ZNF549: variants seen among roughly 807,000 people sequenced by gnomAD.
ZNF549 encodes zinc finger protein 549.
ZNF549 carries 11 observed loss-of-function variants against 11.1 expected under a neutral mutation model. The ratio of observed to expected loss-of-function variants is 0.99; its 90% CI spans 0.62 to 1.64. ZNF549 has a LOEUF of 1.64. ZNF549 is among the 40% of genes most tolerant of loss of function. The probability of loss-of-function intolerance (pLI) is 0.00; values close to 1 mark genes in which losing one functional copy is unlikely to be tolerated. For synonymous variants in ZNF549, 266 were observed against 269.1 expected (o/e 0.99, Z 0.11); for missense variants, 748 against 765.1 (o/e 0.98, Z 0.26).
chr19:57,536,011 G>A (rs2089923072), intron 3 of ZNF549, among the ~76,000 whole-genome samples: 1 of 152,028 alleles, frequency 6.6e-6, no homozygotes, highest in Admixed American at 6.5e-5. Flanking sequence ...TTGGTGCCAG[G>A]GCTCATGGCC....
In ZNF549 at chr19:57,538,767, C is replaced by T; in HGVS notation, c.1763C>T (p.Thr588Ile). Reference sequence around the variant, plus strand: ...AGTGGAGAGAGGCCTTATAACTGCACTGCATGTGAGAAGGCCTTTATCTAT... The same window carrying T: ...AGTGGAGAGAGGCCTTATAACTGCATTGCATGTGAGAAGGCCTTTATCTAT... Reference protein sequence around the residue: ...VHSGERPYNCTACEKAFIYKN... With the variant: ...VHSGERPYNCIACEKAFIYKN... The change falls in exon 4 of 4, where the codon ACT (threonine) becomes ATT (isoleucine). Residue 588 changes from threonine (T) to isoleucine (I), a missense_variant. Thr to Ile is a moderately conservative substitution (Grantham distance 89). Coordinates refer to ENST00000376233, the MANE Select transcript of ZNF549 (RefSeq NM_001199295.2). The T allele has an allele frequency of 1.2e-6, 2 of 1,614,160 alleles. No individual in the cohort carries two copies. Among genetic ancestry groups the T allele is most frequent in the East Asian group, 4.5e-5 (2 of 44,876 alleles).
At chr19:57,528,110 G>C (rs1308553821) in intron 1 of ZNF549, among the ~76,000 whole-genome samples, 2 of 152,150 alleles carry the variant, frequency 1.3e-5, no homozygotes, top group Admixed American at 1.3e-4. Flanking sequence ...GTGGATTCTG[G>C]ACCAGACGGG....
Position 57,540,159 on chromosome 19 carries a change from C to T in ZNF549, c.*1232C>T, listed in dbSNP as rs912024938. 1 of 152,246 alleles carries T rather than the reference C, an allele frequency of 6.6e-6. No individual in the cohort carries two copies. Among genetic ancestry groups the T allele is most frequent in the African/African-American group, 2.4e-5 (1 of 41,474 alleles). The allele number at this position is 152,246 out of a possible 1,614,324, so 9.4% of individuals were successfully genotyped here. A position where few individuals can be genotyped will look rare whatever the true frequency, so the allele number is the denominator to read the frequency against. On this transcript the variant is annotated 3_prime_UTR_variant, in exon 4 of 4. Transcript: ENST00000376233. ...TGTGGTTTTTGTGATTCACCCAGAT[C>T]TGTTGTGCCAGTTAGGAATTATCTT...
In ZNF549 at chr19:57,538,777, G is replaced by A; in HGVS notation, c.1773G>A (p.Glu591=). The stretch of plus-strand genomic sequence containing the variant: ...GGCCTTATAACTGCACTGCATGTGA[G>A]AAGGCCTTTATCTATAAAAACAAAC... ...GERPYNCTAC[E]KAFIYKNKLV... The change falls in exon 4 of 4, where the codon GAG becomes GAA. Residue 591 remains glutamate, a synonymous_variant. Transcript: ENST00000376233. 1 of 1,614,208 alleles carries A rather than the reference G, an allele frequency of 6.2e-7. No homozygotes were observed. The highest frequency in any genetic ancestry group is 8.5e-7 in the Non-Finnish European group (1 of 1,180,038).
intron 3 of ZNF549, 85 bp downstream of exon 3, chr19:57,535,355 T>C: frequency 6.6e-7 from 1 of 1,516,968 alleles, no homozygotes; most frequent in Non-Finnish European, 8.9e-7. Context: ...TTTCCCAGAG[T>C]TGGACATGGG....
chr19:57,538,362 C>G lies in ZNF549; in HGVS notation c.1358C>G (p.Ser453Ter). Residue 453 changes from serine to a stop codon, truncating the protein, a stop_gained, in exon 4 of 4, where the codon TCA becomes TGA. Transcript: ENST00000376233. LOFTEE classifies it low-confidence loss of function (END_TRUNC). ...KPYVCIICGK[S>*]FIRSSDYMRH... ...TATGTGTGCATCATATGTGGGAAAT[C>G]ATTTATCCGCTCGTCTGACTACATG... 2 of 1,613,768 alleles carry G rather than the reference C, an allele frequency of 1.2e-6. No homozygotes were observed. Among genetic ancestry groups the G allele is most frequent in the Non-Finnish European group, 1.7e-6 (2 of 1,179,938 alleles).
At chr19:57,534,142 A>C (rs933924030) in intron 2 of ZNF549, among the ~76,000 whole-genome samples, 4 of 152,222 alleles carry the variant, frequency 2.6e-5, no homozygotes, top group African/African-American at 9.6e-5. Context: ...GGATGTAGAG[A>C]GTATTCTCTA....
intron 1 of ZNF549, among the ~76,000 whole-genome samples, chr19:57,529,385 C>T (rs116322492): frequency 0.015 from 2,256 of 152,046 alleles, 55 homozygotes; most frequent in African/African-American, 0.051. Context: ...AGGAGATGAA[C>T]AATAATAACT....
At position 57,539,675 on chromosome 19, in the gene ZNF549, G is replaced by C. The variant is rs565256622; in HGVS notation, c.*748G>C. The C allele has an allele frequency of 6.6e-6, 1 of 152,272 alleles. No homozygotes were observed. Among genetic ancestry groups the C allele is most frequent in the African/African-American group, 2.4e-5 (1 of 41,524 alleles). 9.4% of individuals were successfully genotyped at this position (152,272 alleles called of 1,614,324 possible). ...CATTTGTGACAAACTCAAGTGCTGG[G>C]ACCTGCATGAATTGTTTATTTGCAG... On this transcript the variant is annotated 3_prime_UTR_variant, in exon 4 of 4. Coordinates refer to ENST00000376233, the MANE Select transcript of ZNF549 (RefSeq NM_001199295.2).
rs1278710224 is a variant in ZNF549 at position 57,527,572 on chromosome 19, C to T, written c.-2C>T. 3 of 1,613,734 alleles carry T rather than the reference C, an allele frequency of 1.9e-6. No homozygotes were observed. The highest frequency in any genetic ancestry group is 2.2e-5 in the East Asian group (1 of 44,874). ...TCCAGGCCCCGCCCCGCCTAAAGTCCCATGGCCGAGGCAGCGCTAGTGATT... is the reference window on the plus strand; with the variant it reads ...TCCAGGCCCCGCCCCGCCTAAAGTCTCATGGCCGAGGCAGCGCTAGTGATT... On this transcript the variant is annotated 5_prime_UTR_variant, in exon 1 of 4. Transcript: ENST00000376233.
At chr19:57,536,503 A>G (rs191945593) in intron 3 of ZNF549, among the ~76,000 whole-genome samples, 7 of 152,346 alleles carry the variant, frequency 4.6e-5, no homozygotes, top group African/African-American at 1.2e-4. Context: ...TTCAACCATT[A>G]TAAATCAAAG....
At position 57,537,624 on chromosome 19, in the gene ZNF549, AAGAGTATGCACAT is replaced by A; in HGVS notation, c.624_636del (p.Tyr209AlafsTer44). The A allele has an allele frequency of 6.2e-7, 1 of 1,614,242 alleles. No homozygotes were observed. The highest frequency in any genetic ancestry group is 8.5e-7 in the Non-Finnish European group (1 of 1,180,042). ...CAACACCAGACCACCCACAGCAGACAAGAGTATGCACATAGAAGCAGGGAGACCTTTCAACAAA... is the reference window on the plus strand; with the variant it reads ...CAACACCAGACCACCCACAGCAGACAAGAAGCAGGGAGACCTTTCAACAAA... On this transcript the variant is annotated frameshift_variant, in exon 4 of 4. Transcript: ENST00000376233. LOFTEE classifies it low-confidence loss of function (END_TRUNC).
In ZNF549 at chr19:57,538,112, T is replaced by C. The variant is rs771952062; in HGVS notation, c.1108T>C (p.Phe370Leu). 3.5e-5 allele frequency: 56 copies of C among 1,614,050 alleles called. No individual in the cohort carries two copies. In the Admixed American group the frequency reaches 7.7e-4, roughly 22 times the overall value. Residue 370 changes from phenylalanine (F) to leucine (L), a missense_variant, in exon 4 of 4, where the codon TTT becomes CTT. By Grantham distance (22) the Phe-to-Leu change is conservative. Coordinates refer to ENST00000376233, the MANE Select transcript of ZNF549 (RefSeq NM_001199295.2). ...TGTGTGTATGGAATGTGGGAAATCT[T>C]TTATTCATTCCTATGACCGCATTCG... is the stretch of plus-strand genomic sequence containing the variant. ...PYVCMECGKS[F>L]IHSYDRIRHQ...
Position 57,537,185 on chromosome 19 carries a change from T to G in ZNF549, c.200-19T>G. On this transcript the variant is annotated intron_variant, in intron 3 of 3. Transcript: ENST00000376233. ...TACCAAAGTCTGCATATACTTCACT[T>G]GCATTTTTATGCTTTTAGGTTGTTT... 6.3e-7 allele frequency: 1 copy of G among 1,598,078 alleles called. No individual in the cohort carries two copies. Among genetic ancestry groups the G allele is most frequent in the Non-Finnish European group, 8.5e-7 (1 of 1,171,222 alleles).
At chr19:57,534,598 T>G (rs929841997) in intron 2 of ZNF549, among the ~76,000 whole-genome samples, 1 of 152,186 alleles carries the variant, frequency 6.6e-6, no homozygotes, top group Non-Finnish European at 1.5e-5. Flanking sequence ...TTTGGCAGCC[T>G]GAGCTCACAC....
intron 1 of ZNF549, among the ~76,000 whole-genome samples, chr19:57,528,047 G>A (rs2089886935): frequency 1.3e-5 from 2 of 152,326 alleles, no homozygotes; most frequent in South Asian, 4.1e-4. Context: ...GATGGGGGTG[G>A]ACGCAGGGAT....
rs1258117877 is a variant in ZNF549, at chr19:57,540,434, A to G, written c.*1507A>G. On this transcript the variant is annotated 3_prime_UTR_variant, in exon 4 of 4. Transcript: ENST00000376233. The stretch of plus-strand genomic sequence containing the variant: ...GCCCAGTTAATGGGTTTTGATAGTC[A>G]TGTTATCTCAGTAAGTGTCTTGTCT... The G allele has an allele frequency of 1.3e-5, 2 of 152,204 alleles. No individual in the cohort carries two copies. Among genetic ancestry groups the G allele is most frequent in the South Asian group, 2.1e-4 (1 of 4,834 alleles). 9.4% of individuals were successfully genotyped at this position (152,204 alleles called of 1,614,324 possible).
In ZNF549 at chr19:57,537,332, A is replaced by G. The variant is rs2123316711; in HGVS notation, c.328A>G (p.Ile110Val). Residue 110 changes from isoleucine (I) to valine (V), a missense_variant, in exon 4 of 4, where the codon ATC becomes GTC. Coordinates refer to ENST00000376233, the MANE Select transcript of ZNF549 (RefSeq NM_001199295.2). The stretch of plus-strand genomic sequence containing the variant: ...AAATGCTCATTCTTGTGAGATGTGT[A>G]TCCTGGTCATGAAAGACATTTTGTA... ...IPNAHSCEMC[I>V]LVMKDILYLS... 2 of 1,614,210 alleles carry G rather than the reference A, an allele frequency of 1.2e-6. No individual in the cohort carries two copies. Among genetic ancestry groups the G allele is most frequent in the East Asian group, 4.5e-5 (2 of 44,878 alleles).
Sources: gnomAD v4.1 joint callset for allele counts (sites outside exome capture counted in the v4.1 genomes callset) on GRCh38, gnomAD v4.1.1 for gene constraint, MANE v1.5 for transcripts, NCBI Gene and HGNC (gene_info 2026-07-23, HGNC 2026-07-21) for gene names.